The following USP12 variants were observed in gnomAD, a reference collection of about 807,000 sequenced individuals.
USP12 encodes ubiquitin carboxyl-terminal hydrolase 12.
A neutral mutation model predicts 45.5 loss-of-function variants in USP12; 19 were observed. That is an observed-to-expected ratio of 0.42 (90% CI 0.29 to 0.61). USP12 has a LOEUF of 0.61. Ranked by LOEUF, USP12 falls within the 20% of genes least tolerant of loss-of-function variation. USP12 has a pLI of 0.22. For missense variants in USP12, 242 were observed against 447.7 expected (o/e 0.54, Z 4.15); for synonymous variants, 149 against 148.8 (o/e 1.00, Z -0.01).
chr13:27,097,181 A>G lies in USP12; in HGVS notation c.344-1351T>C, dbSNP rs987387130. 4.6e-5 allele frequency among the ~76,000 whole-genome samples: 7 copies of G among 151,176 alleles called. No homozygotes were observed. In the South Asian group the frequency reaches 1.0e-3, roughly 23 times the overall value. ...ATAGTAAGTTTAAAAAAAAAAAAAAAGCAGGCCAAGCGCAGTGGCTCATGC... is the reference window on the plus strand; with the variant it reads ...ATAGTAAGTTTAAAAAAAAAAAAAAGGCAGGCCAAGCGCAGTGGCTCATGC... On this transcript the variant is annotated intron_variant, in intron 3 of 8. Transcript: ENST00000282344.
chr13:27,084,169 T>TACATAC (rs1295472031), intron 6 of USP12, among the ~76,000 whole-genome samples: 53 of 142,510 alleles, frequency 3.7e-4, no homozygotes, highest in African/African-American at 1.3e-3. Context: ...CATGTTTGCA[T>TACATAC]ACACACACAC....
At chr13:27,089,489 C>G (rs1390144039) in intron 6 of USP12, 2 of 160,980 alleles carry the variant, frequency 1.2e-5, no homozygotes, top group Non-Finnish European at 2.7e-5. Flanking sequence ...CAATAACATG[C>G]TAAGAGAATG....
intron 1 of USP12, among the ~76,000 whole-genome samples, chr13:27,126,083 T>TA (rs1876224386): frequency 6.6e-6 from 1 of 152,242 alleles, no homozygotes; most frequent in South Asian, 2.1e-4. Context: ...TCTGCAGACG[T>TA]AAACGTCCCT....
intron 6 of USP12, among the ~76,000 whole-genome samples, chr13:27,082,572 T>C (rs1873808063): frequency 6.6e-6 from 1 of 152,226 alleles, no homozygotes; most frequent in African/African-American, 2.4e-5. Context: ...AACTTGGCTG[T>C]TTGGTGCAAG....
At chr13:27,125,409 T>C (rs550540690) in intron 1 of USP12, among the ~76,000 whole-genome samples, 9 of 152,314 alleles carry the variant, frequency 5.9e-5, no homozygotes, top group East Asian at 3.9e-4. Context: ...GGATGTACTA[T>C]AGCAAGTCTG....
rs547311367 is a variant in USP12, at chr13:27,130,780, A to G, written c.49-14184T>C. On this transcript the variant is annotated intron_variant, in intron 1 of 8. Transcript: ENST00000282344. ...CAGTGAGTCACTTGTTGAAATCTCA[A>G]ATTTCCTGGATGAGAACCATTTCTG... Among the ~76,000 whole-genome samples the G allele has an allele frequency of 2.6e-5, 4 of 152,306 alleles. 1 individual carries two copies. Among genetic ancestry groups the G allele is most frequent in the Admixed American group, 6.5e-5 (1 of 15,304 alleles).
At chr13:27,141,927 T>C (rs891239310) in intron 1 of USP12, among the ~76,000 whole-genome samples, 2 of 152,098 alleles carry the variant, frequency 1.3e-5, no homozygotes, top group African/African-American at 2.4e-5. Flanking sequence ...CTCATGCCTG[T>C]AATCATGCAC....
At chr13:27,106,068 A>G in intron 2 of USP12, 124 bp from the exon 3 acceptor site, 2 of 769,180 alleles carry the variant, frequency 2.6e-6, no homozygotes, top group South Asian at 1.9e-5. Flanking sequence ...TATAACACTG[A>G]CTGCATTATA....
chr13:27,108,228 T>C (rs1334418197), intron 2 of USP12, among the ~76,000 whole-genome samples: 11 of 152,120 alleles, frequency 7.2e-5, no homozygotes, highest in Middle Eastern at 3.4e-3. Context: ...TTCATGTCCT[T>C]TGTAGGGACA....
chr13:27,170,516 G>T (rs1268911822), intron 1 of USP12, among the ~76,000 whole-genome samples: 1 of 152,184 alleles, frequency 6.6e-6, no homozygotes, highest in African/African-American at 2.4e-5. Flanking sequence ...CATAAATTAT[G>T]ATCCCTACAT....
At chr13:27,098,372 A>AG (rs1223580472) in intron 3 of USP12, among the ~76,000 whole-genome samples, 1 of 151,924 alleles carries the variant, frequency 6.6e-6, no homozygotes, top group Non-Finnish European at 1.5e-5. Context: ...TATTTAAAAA[A>AG]AAACCCTTTA....
At position 27,095,489 on chromosome 13, in the gene USP12, A is replaced by G. The variant is rs1022125818; in HGVS notation, c.573+112T>C. 1.2e-5 allele frequency: 9 copies of G among 762,526 alleles called. No individual in the cohort carries two copies. The African/African-American group carries it at 1.4e-4, about 12-fold the overall frequency. 47.2% of individuals were successfully genotyped at this position (762,526 alleles called of 1,614,324 possible). On this transcript the variant is annotated intron_variant, in intron 4 of 8. Transcript: ENST00000282344. ...ACTGAAAAATACATCTTTAACTCCTATACCTAAGAATTACAACTTTCAAGT... is the reference window on the plus strand; with the variant it reads ...ACTGAAAAATACATCTTTAACTCCTGTACCTAAGAATTACAACTTTCAAGT...
At chr13:27,101,881 T>G (rs190178148) in intron 3 of USP12, among the ~76,000 whole-genome samples, 1 of 152,328 alleles carries the variant, frequency 6.6e-6, no homozygotes, top group Admixed American at 6.5e-5. Context: ...TTTATCTGTT[T>G]TTGTATCTCT....
chr13:27,149,558 T>A (rs1310096504), intron 1 of USP12, among the ~76,000 whole-genome samples: 2 of 152,200 alleles, frequency 1.3e-5, no homozygotes, highest in Non-Finnish European at 2.9e-5. Flanking sequence ...TACATAGCCA[T>A]CAATTGTATT....
At chr13:27,121,490 A>G (rs1875982896) in intron 1 of USP12, among the ~76,000 whole-genome samples, 1 of 152,196 alleles carries the variant, frequency 6.6e-6, no homozygotes, top group African/African-American at 2.4e-5. Context: ...ATAAGTCAAA[A>G]ATTACAAAAA....
intron 1 of USP12, among the ~76,000 whole-genome samples, chr13:27,148,795 T>TAAACAC (rs1877431267): frequency 7.1e-6 from 1 of 141,736 alleles, no homozygotes; most frequent in Admixed American, 7.0e-5. Context: ...ATCATCTTAA[T>TAAACAC]ACACACACAC....
intron 4 of USP12, among the ~76,000 whole-genome samples, chr13:27,090,935 G>A (rs967894334): frequency 1.4e-4 from 21 of 152,168 alleles, no homozygotes; most frequent in African/African-American, 4.3e-4. Flanking sequence ...GCAAATATAC[G>A]TAAACCAAGG....
At chr13:27,087,132 A>C (rs1874088370) in intron 6 of USP12, among the ~76,000 whole-genome samples, 1 of 147,348 alleles carries the variant, frequency 6.8e-6, no homozygotes, top group South Asian at 2.2e-4. Context: ...TGCGTGTGTG[A>C]GAGTGTGTGT....
intron 3 of USP12, among the ~76,000 whole-genome samples, chr13:27,096,261 C>T (rs1022293847): frequency 1.2e-4 from 19 of 152,224 alleles, no homozygotes; most frequent in Non-Finnish European, 2.8e-4. Flanking sequence ...CTGAACCATA[C>T]ATCCCAGGGA....
Sources: allele counts gnomAD v4.1 joint callset (sites outside exome capture counted in the v4.1 genomes callset), GRCh38; gene constraint gnomAD v4.1.1; transcripts MANE v1.5; gene names NCBI Gene and HGNC (gene_info 2026-07-23, HGNC 2026-07-21).